MYOM1: variants seen among roughly 807,000 people sequenced by gnomAD.
The protein encoded by MYOM1 is myomesin-1.
MYOM1 carries 164 observed loss-of-function variants against 205.3 expected under a neutral mutation model. The ratio of observed to expected loss-of-function variants is 0.80; its 90% confidence interval spans 0.70 to 0.91. MYOM1 has a LOEUF of 0.91. Among genes scored for constraint, MYOM1 ranks in the 40% least tolerant of loss-of-function variants. The probability of loss-of-function intolerance (pLI) is 0.00; values close to 1 mark genes in which losing one functional copy is unlikely to be tolerated. For synonymous variants in MYOM1, 772 were observed against 789.4 expected (o/e 0.98, Z 0.37); for missense variants, 2,011 against 2,127.3 (o/e 0.95, Z 1.08).
intron 37 of MYOM1, among the ~76,000 whole-genome samples, 169 bp from the exon 38 acceptor site, chr18:3,067,724 T>C (rs2078913913): frequency 6.6e-6 from 1 of 152,242 alleles, no homozygotes; most frequent in East Asian, 1.9e-4. Flanking sequence ...AGTTACAGTT[T>C]GAAATAACAT....
chr18:3,246,619 G>C, the MYOM1 span: 1 of 152,170 alleles, frequency 6.6e-6, no homozygotes, highest in African/African-American at 2.4e-5. Flanking sequence ...AAGAAGCTAC[G>C]AATACTTAGA....
At chr18:3,170,088 A>G (rs2080534399) in intron 8 of MYOM1, among the ~76,000 whole-genome samples, 1 of 152,224 alleles carries the variant, frequency 6.6e-6, no homozygotes, top group African/African-American at 2.4e-5. Context: ...TGTGAGAGCT[A>G]AAAAGAATTG....
At chr18:3,106,746 C>A (rs2079456934) in intron 22 of MYOM1, among the ~76,000 whole-genome samples, 1 of 152,146 alleles carries the variant, frequency 6.6e-6, no homozygotes, top group Admixed American at 6.5e-5. Context: ...TCACTTGAGC[C>A]TGGGAGATGG....
At chr18:3,177,260 C>A (rs1006509671) in intron 5 of MYOM1, among the ~76,000 whole-genome samples, 1 of 149,302 alleles carries the variant, frequency 6.7e-6, no homozygotes, top group Non-Finnish European at 1.5e-5. Flanking sequence ...AACAAACAAA[C>A]AAATAAGCTT....
chr18:3,168,343 CAATGGCGCCATCT>C (rs2080503362), intron 9 of MYOM1, among the ~76,000 whole-genome samples: 1 of 151,984 alleles, frequency 6.6e-6, no homozygotes, highest in Non-Finnish European at 1.5e-5. Flanking sequence ...AGGCGGAGTG[CAATGGCGCCATCT>C]CCACTCACTG....
At chr18:3,245,650 TAC>T in the MYOM1 span, among the ~76,000 whole-genome samples, 2 of 152,212 alleles carry the variant, frequency 1.3e-5, no homozygotes, top group African/African-American at 4.8e-5. Context: ...GAACACAGAC[TAC>T]ACAATTCCTG....
chr18:3,246,513 G>A, the MYOM1 span: 1 of 152,220 alleles, frequency 6.6e-6, no homozygotes. Flanking sequence ...CTGTGGAACT[G>A]GAGCAGTTAT....
chr18:3,159,047 TGAGA>T (rs1267123283), intron 10 of MYOM1, among the ~76,000 whole-genome samples: 2 of 151,586 alleles, frequency 1.3e-5, no homozygotes, highest in Non-Finnish European at 2.9e-5. Flanking sequence ...CCTCTCTGCA[TGAGA>T]GAGAGCAAGA....
chr18:3,186,374 G>A (rs2080809469), intron 5 of MYOM1, among the ~76,000 whole-genome samples: 1 of 152,110 alleles, frequency 6.6e-6, no homozygotes, highest in Non-Finnish European at 1.5e-5. Flanking sequence ...GCAACCTAAG[G>A]TGCATTTACC....
chr18:3,242,424 C>T, the MYOM1 span, among the ~76,000 whole-genome samples: 6 of 152,180 alleles, frequency 3.9e-5, no homozygotes, highest in South Asian at 2.1e-4. Context: ...TTTCATCTTC[C>T]GCAATGATTG....
At chr18:3,150,993 TTTTTTTTCA>T (rs1355858447) in intron 12 of MYOM1, among the ~76,000 whole-genome samples, 48 of 148,398 alleles carry the variant, frequency 3.2e-4, no homozygotes, top group African/African-American at 1.1e-3. Flanking sequence ...TTTTTTTTTT[TTTTTTTTCA>T]TTTTTTTCAT....
At chr18:3,130,467 T>C (rs901511365) in intron 17 of MYOM1, among the ~76,000 whole-genome samples, 1 of 152,216 alleles carries the variant, frequency 6.6e-6, no homozygotes, top group Non-Finnish European at 1.5e-5. Flanking sequence ...TTTATTTATT[T>C]CAGACACAGG....
chr18:3,121,830 C>T (rs1236418738), intron 19 of MYOM1, among the ~76,000 whole-genome samples: 1 of 152,114 alleles, frequency 6.6e-6, no homozygotes. Context: ...AAATGAAACA[C>T]AGAACAGGCC....
At chr18:3,077,159 T>A (rs2079029517) in intron 34 of MYOM1, among the ~76,000 whole-genome samples, 1 of 152,026 alleles carries the variant, frequency 6.6e-6, no homozygotes, top group African/African-American at 2.4e-5. Flanking sequence ...ACTATAGGTG[T>A]GTGCCACCAC....
At position 3,194,344 on chromosome 18, in the gene MYOM1, T is replaced by C. The variant is rs547772567; in HGVS notation, c.291-386A>G. Among the ~76,000 whole-genome samples the C allele has an allele frequency of 2.0e-4, 30 of 152,356 alleles. No individual in the cohort carries two copies. The South Asian group carries it at 6.0e-3, about 30-fold the overall frequency. ...GCATCCAAATTCTTTTGGGAGCTTA[T>C]TTAAAATGCATACTTTTCTAGACAG... On this transcript the variant is annotated intron_variant, in intron 2 of 37. Coordinates refer to ENST00000356443, the MANE Select transcript of MYOM1 (RefSeq NM_003803.4).
Position 3,152,324 on chromosome 18 carries a change from G to T in MYOM1, c.1644-431C>A, listed in dbSNP as rs1266799558. Among the ~76,000 whole-genome samples, 2 of 152,116 alleles carry T rather than the reference G, an allele frequency of 1.3e-5. No homozygotes were observed. Among genetic ancestry groups the T allele is most frequent in the Non-Finnish European group, 2.9e-5 (2 of 68,024 alleles). ...AACAGAGGTATTATTGAGAAAATTG[G>T]CGTCTTAAAACCTAACTATTTGCAC... On this transcript the variant is annotated intron_variant, in intron 11 of 37. Transcript: ENST00000356443. The surrounding 1 kb of genome is among the most constrained non-coding windows in gnomAD (Gnocchi z 4.3).
At chr18:3,094,565 A>C (rs2079274153) in intron 25 of MYOM1, among the ~76,000 whole-genome samples, 1 of 152,166 alleles carries the variant, frequency 6.6e-6, no homozygotes, top group Non-Finnish European at 1.5e-5. Flanking sequence ...CAACTGTAAA[A>C]ATGAGGAAGA....
chr18:3,079,499 C>T (rs1425949824), intron 33 of MYOM1, among the ~76,000 whole-genome samples, 157 bp from the exon 34 acceptor site: 2 of 152,042 alleles, frequency 1.3e-5, no homozygotes, highest in Non-Finnish European at 2.9e-5. Flanking sequence ...AATTATGGGC[C>T]ATGACACACA....
intron 13 of MYOM1, among the ~76,000 whole-genome samples, chr18:3,144,723 T>C (rs1228915744): frequency 6.6e-6 from 1 of 152,094 alleles, no homozygotes; most frequent in Non-Finnish European, 1.5e-5. Flanking sequence ...AACATTACCA[T>C]GGGTAAAAGA....
Sources: allele counts gnomAD v4.1 joint callset (sites outside exome capture counted in the v4.1 genomes callset), GRCh38; gene constraint gnomAD v4.1.1; non-coding constraint Gnocchi (gnomAD v3.1); transcripts MANE v1.5; gene names NCBI Gene and HGNC (gene_info 2026-07-23, HGNC 2026-07-21).